GCG: variants seen among roughly 807,000 people sequenced by gnomAD.
GCG encodes pro-glucagon.
GCG carries 11 observed loss-of-function variants against 22.8 expected under a neutral mutation model. That is an observed-to-expected ratio of 0.48 (90% confidence interval 0.30 to 0.80). The LOEUF (loss-of-function observed/expected upper bound fraction) is 0.80, where lower values mean the gene tolerates loss of function less well. Ranked by LOEUF, GCG falls within the 30% of genes least tolerant of loss-of-function variation. The pLI is 0.06. For missense variants in GCG, 222 were observed against 222.0 expected (o/e 1.00, Z 0.00); for synonymous variants, 89 against 72.4 (o/e 1.23, Z -1.16).
At position 162,143,106 on chromosome 2, in the gene GCG, G is replaced by A; in HGVS notation, c.*258C>T. ...TATCGCTAAATGTAAACAGGTTGGG[G>A]TACTTCATCCAAAATAAGAAGAAAA... On this transcript the variant is annotated 3_prime_UTR_variant, in exon 6 of 6. Coordinates refer to ENST00000418842, the MANE Select transcript of GCG (RefSeq NM_002054.5). 1 of 348,814 alleles carries A rather than the reference G, an allele frequency of 2.9e-6. No homozygotes were observed. Among genetic ancestry groups the A allele is most frequent in the Non-Finnish European group, 5.3e-6 (1 of 189,328 alleles). The allele number at this position is 348,814 out of a possible 1,614,324, so 21.6% of individuals were successfully genotyped here. A position where few individuals can be genotyped will look rare whatever the true frequency, so the allele number is the denominator to read the frequency against.
At chr2:162,151,157 C>T (rs531763789) in intron 1 of GCG, among the ~76,000 whole-genome samples, 77 of 151,914 alleles carry the variant, frequency 5.1e-4, no homozygotes, top group Non-Finnish European at 9.9e-4. Flanking sequence ...AGAGAGCCTG[C>T]AGTTTTGTAA....
Position 162,143,153 on chromosome 2 carries a change from T to C in GCG, c.*211A>G, listed in dbSNP as rs560191939. The C allele has an allele frequency of 5.0e-6, 2 of 401,150 alleles. No homozygotes were observed. Among genetic ancestry groups the C allele is most frequent in the Admixed American group, 4.3e-5 (1 of 23,212 alleles). The allele number at this position is 401,150 out of a possible 1,614,324, so 24.8% of individuals were successfully genotyped here. A position where few individuals can be genotyped will look rare whatever the true frequency, so the allele number is the denominator to read the frequency against. ...AAAATAACAGAATCTAGCACTTTCA[T>C]ATTTTAAAGCTGATATTTTAGCAAT... On this transcript the variant is annotated 3_prime_UTR_variant, in exon 6 of 6. Transcript: ENST00000418842.
chr2:162,147,964 T>C (rs1021736223), intron 2 of GCG, among the ~76,000 whole-genome samples: 4 of 152,064 alleles, frequency 2.6e-5, no homozygotes, highest in African/African-American at 9.7e-5. Context: ...TGGCTAGCAG[T>C]GGAAGGAAGA....
At chr2:162,147,656 T>C in intron 2 of GCG, 142 bp from the exon 3 acceptor site, 1 of 794,860 alleles carries the variant, frequency 1.3e-6, no homozygotes, top group Non-Finnish European at 2.3e-6. Flanking sequence ...TTTAGAAAGA[T>C]CTTCCTTAGC....
At chr2:162,150,077 G>A (rs1194063171) in intron 1 of GCG, among the ~76,000 whole-genome samples, 1 of 152,028 alleles carries the variant, frequency 6.6e-6, no homozygotes, top group Non-Finnish European at 1.5e-5. Context: ...CGAAGCCATA[G>A]TATGTTAAGG....
chr2:162,150,093 A>G (rs1471789812), intron 1 of GCG, among the ~76,000 whole-genome samples: 1 of 152,122 alleles, frequency 6.6e-6, no homozygotes, highest in Non-Finnish European at 1.5e-5. Context: ...TAAGGATGTG[A>G]TGATGCAGTG....
At chr2:162,151,469 G>T (rs746843122) in intron 1 of GCG, among the ~76,000 whole-genome samples, 1 of 152,000 alleles carries the variant, frequency 6.6e-6, no homozygotes, top group African/African-American at 2.4e-5. Flanking sequence ...TTATTGCAGA[G>T]GGTAGCTATT....
rs183138644 is a variant in GCG, at chr2:162,146,055, T to C, written c.255-378A>G. On this transcript the variant is annotated intron_variant, in intron 3 of 5. Transcript: ENST00000418842. ...CTGTTTGTTATTAGTAAGTATGGGG[T>C]CAGAGTTAGTTAATTGATTTGAGGG... Among the ~76,000 whole-genome samples, 98 of 152,230 alleles carry C rather than the reference T, an allele frequency of 6.4e-4. 1 individual carries two copies. The highest frequency in any genetic ancestry group is 1.1e-3 in the Non-Finnish European group (75 of 68,010).
At chr2:162,151,320 A>T (rs971297711) in intron 1 of GCG, among the ~76,000 whole-genome samples, 2 of 152,112 alleles carry the variant, frequency 1.3e-5, no homozygotes, top group African/African-American at 4.8e-5. Context: ...ATCCTTTTTC[A>T]AACTGGTTAG....
At chr2:162,143,441 T>C (rs941801169) in intron 5 of GCG, 71 bp from the exon 6 acceptor site, 2 of 617,562 alleles carry the variant, frequency 3.2e-6, no homozygotes, top group African/African-American at 1.9e-5. Flanking sequence ...ATCCAGAAAA[T>C]ATTTCAATGA....
chr2:162,148,451 G>A (rs1308073244), intron 2 of GCG, among the ~76,000 whole-genome samples: 1 of 151,994 alleles, frequency 6.6e-6, no homozygotes, highest in Admixed American at 6.6e-5. Context: ...AGATGAAACA[G>A]TATGCTGCCA....
In GCG at chr2:162,144,044, C is replaced by T; in HGVS notation, c.519G>A (p.Gln173=). 6.2e-7 allele frequency: 1 copy of T among 1,613,060 alleles called. No individual in the cohort carries two copies. Among genetic ancestry groups the T allele is most frequent in the Non-Finnish European group, 8.5e-7 (1 of 1,179,346 alleles). The change falls in exon 5 of 6, where the codon CAG becomes CAA. Residue 173 remains glutamine (Q), a synonymous_variant. Coordinates refer to ENST00000418842, the MANE Select transcript of GCG (RefSeq NM_002054.5). ...AARDFINWLI[Q]TKITDRK The stretch of plus-strand genomic sequence containing the variant: ...GCAGTCACCTGTCAGTGATTTTGGT[C>T]TGAATCAACCAGTTTATAAAGTCCC...
In GCG at chr2:162,145,677, C is replaced by T; in HGVS notation, c.255G>A (p.Arg85=). 2.5e-6 allele frequency: 4 copies of T among 1,607,634 alleles called. No individual in the cohort carries two copies. Among genetic ancestry groups the T allele is most frequent in the South Asian group, 1.1e-5 (1 of 89,600 alleles). ...VQWLMNTKRN[R]NNIAKRHDEF... is the part of the protein sequence containing the mutation. The stretch of plus-strand genomic sequence containing the variant: ...CATCGTGACGTTTGGCAATGTTATT[C>T]CTGAAAGAAATGTGAAAGTTAAATT... Residue 85 remains arginine, a splice_region_variant and synonymous_variant, in exon 4 of 6, where the codon AGG becomes AGA. Transcript: ENST00000418842.
At chr2:162,143,882 T>C in intron 5 of GCG, 145 bp downstream of exon 5, 1 of 698,184 alleles carries the variant, frequency 1.4e-6, no homozygotes, top group East Asian at 2.7e-5. Flanking sequence ...TGATGTACTC[T>C]TATATGACTT....
At chr2:162,147,784 T>C (rs1686727766) in intron 2 of GCG, among the ~76,000 whole-genome samples, 1 of 152,216 alleles carries the variant, frequency 6.6e-6, no homozygotes, top group African/African-American at 2.4e-5. Flanking sequence ...AATCTTTTTC[T>C]ACTAATTAAT....
rs763266605 is a variant in GCG, at chr2:162,147,452, C to A, written c.155G>T (p.Arg52Leu). Residue 52 changes from arginine to leucine, a missense_variant, in exon 3 of 6, where the codon CGC becomes CTC. Transcript: ENST00000418842. ...ACTGGTGAATGTGCCCTGTGAATGG[C>A]GCTTGTCCTCGTTCATCTGATCAGG... ...SDPDQMNEDK[R>L]HSQGTFTSDY... The A allele has an allele frequency of 9.3e-6, 15 of 1,613,064 alleles. No homozygotes were observed. Among genetic ancestry groups the A allele is most frequent in the Non-Finnish European group, 1.2e-5 (14 of 1,179,242 alleles).
Position 162,144,090 on chromosome 2 carries a change from A to G in GCG, c.473T>C (p.Ile158Thr). The G allele has an allele frequency of 1.2e-6, 2 of 1,612,490 alleles. No individual in the cohort carries two copies. The highest frequency in any genetic ancestry group is 1.1e-5 in the South Asian group (1 of 91,056). Residue 158 changes from isoleucine to threonine, a missense_variant, in exon 5 of 6, where the codon ATT becomes ACT. Transcript: ENST00000418842. ...DGSFSDEMNTILDNLAARDFI... is the reference protein window; with the variant it reads ...DGSFSDEMNTTLDNLAARDFI... ...GTCCCTGGCGGCAAGATTATCAAGA[A>G]TGGTGTTCATCTCATCAGAGAAAGA...
chr2:162,149,248 A>C (rs1021596824), intron 1 of GCG, 61 bp from the exon 2 acceptor site: 6 of 886,918 alleles, frequency 6.8e-6, no homozygotes, highest in African/African-American at 3.3e-5. Flanking sequence ...TAAACATGTC[A>C]GGCTAAATTA....
In GCG at chr2:162,144,093, G is replaced by T. The variant is rs1686621205; in HGVS notation, c.470C>A (p.Thr157Asn). The change falls in exon 5 of 6, where the codon ACC becomes AAC. Residue 157 changes from threonine to asparagine, a missense_variant. Physicochemically the swap from Thr to Asn is moderately conservative, Grantham distance 65 (BLOSUM62 0). Coordinates refer to ENST00000418842, the MANE Select transcript of GCG (RefSeq NM_002054.5). The stretch of plus-strand genomic sequence containing the variant: ...CCTGGCGGCAAGATTATCAAGAATG[G>T]TGTTCATCTCATCAGAGAAAGAACC... ...ADGSFSDEMN[T>N]ILDNLAARDF... 1.9e-6 allele frequency: 3 copies of T among 1,611,932 alleles called. No homozygotes were observed. The highest frequency in any genetic ancestry group is 2.5e-6 in the Non-Finnish European group (3 of 1,178,178).
Sources: gnomAD v4.1 joint callset for allele counts (sites outside exome capture counted in the v4.1 genomes callset) on GRCh38, gnomAD v4.1.1 for gene constraint, MANE v1.5 for transcripts, NCBI Gene and HGNC (gene_info 2026-07-23, HGNC 2026-07-21) for gene names.